The following INHBA variants were observed in gnomAD, a reference collection of about 807,000 sequenced individuals.
The protein encoded by INHBA is inhibin beta A chain.
INHBA carries 1 observed loss-of-function variant against 29.0 expected under a neutral mutation model. The observed-to-expected ratio is 0.03, with a 90% confidence interval of 0.01 to 0.16. The LOEUF (loss-of-function observed/expected upper bound fraction) is 0.16, where lower values mean the gene tolerates loss of function less well. Ranked by LOEUF, INHBA falls within the 10% of genes least tolerant of loss-of-function variation. INHBA has a pLI of 1.00. For missense variants in INHBA, 376 were observed against 545.4 expected (o/e 0.69, Z 3.09); for synonymous variants, 242 against 216.8 (o/e 1.12, Z -1.02).
intron 2 of INHBA, among the ~76,000 whole-genome samples, chr7:41,697,862 C>T (rs2128670796): frequency 6.6e-6 from 1 of 152,216 alleles, no homozygotes. Flanking sequence ...GTAGACAGTC[C>T]ATACAGCAAT....
chr7:41,689,491 G>C lies in INHBA; in HGVS notation c.*159C>G. The C allele has an allele frequency of 1.5e-6, 1 of 655,154 alleles. No homozygotes were observed. Among genetic ancestry groups the C allele is most frequent in the Non-Finnish European group, 2.3e-6 (1 of 427,914 alleles). 40.6% of individuals were successfully genotyped at this position (655,154 alleles called of 1,614,324 possible). A position where few individuals can be genotyped will look rare whatever the true frequency, so the allele number is the denominator to read the frequency against. ...CATCTTCCTTCATCTGTTTCATCAG[G>C]TTTTGTTTTTAATTTACTTTTGTTT... is the stretch of plus-strand genomic sequence containing the variant. On this transcript the variant is annotated 3_prime_UTR_variant, in exon 3 of 3. Coordinates refer to ENST00000242208, the MANE Select transcript of INHBA (RefSeq NM_002192.4).
chr7:41,686,387 T>C lies in INHBA; in HGVS notation c.*3263A>G, dbSNP rs1187551272. The stretch of plus-strand genomic sequence containing the variant: ...GAGAAAGAGTGAGGAGATAGTAAGG[T>C]TAGATAGAGCCACTGAGTTTCAAGA... On this transcript the variant is annotated 3_prime_UTR_variant, in exon 3 of 3. Coordinates refer to ENST00000242208, the MANE Select transcript of INHBA (RefSeq NM_002192.4). 6.6e-6 allele frequency: 1 copy of C among 152,124 alleles called. No homozygotes were observed. Among genetic ancestry groups the C allele is most frequent in the African/African-American group, 2.4e-5 (1 of 41,438 alleles). 9.4% of individuals were successfully genotyped at this position (152,124 alleles called of 1,614,324 possible). A position where few individuals can be genotyped will look rare whatever the true frequency, so the allele number is the denominator to read the frequency against.
In INHBA at chr7:41,689,513, G is replaced by GTT. The variant is rs151304258; in HGVS notation, c.*135_*136dup. On this transcript the variant is annotated 3_prime_UTR_variant, in exon 3 of 3. Transcript: ENST00000242208. ...CAGGTTTTGTTTTTAATTTACTTTTGTTTTTTTTTGTTTTTTTTTTTGTTT... is the reference window on the plus strand; with the variant it reads ...CAGGTTTTGTTTTTAATTTACTTTTGTTTTTTTTTTTGTTTTTTTTTTTGTTT... 1.2e-3 allele frequency: 853 copies of GTT among 712,532 alleles called. 4 individuals are homozygous for GTT. The highest frequency in any genetic ancestry group is 9.9e-3 in the African/African-American group (509 of 51,354). 44.1% of individuals were successfully genotyped at this position (712,532 alleles called of 1,614,324 possible).
intron 1 of INHBA, among the ~76,000 whole-genome samples, chr7:41,702,625 A>C (rs1382430238): frequency 2.6e-5 from 4 of 152,236 alleles, no homozygotes; most frequent in African/African-American, 9.6e-5. Flanking sequence ...AGTCTGAAAT[A>C]CAACCAAAAG....
intron 1 of INHBA, among the ~76,000 whole-genome samples, chr7:41,701,654 C>T (rs552117544): frequency 2.2e-4 from 34 of 152,266 alleles, no homozygotes; most frequent in African/African-American, 7.0e-4. Flanking sequence ...CACCACTCGC[C>T]GGACTTCACA....
chr7:41,702,004 CTGTCTTATTGCTTTTATCT>C (rs1280444204), intron 1 of INHBA, among the ~76,000 whole-genome samples: 1 of 151,896 alleles, frequency 6.6e-6, no homozygotes, highest in African/African-American at 2.4e-5. Flanking sequence ...TTTTCATTTT[CTGTCTTATTGCTTTTATCT>C]TGCAGAAGAA....
Position 41,687,860 on chromosome 7 carries a change from G to C in INHBA, c.*1790C>G, listed in dbSNP as rs1460844604. 7.2e-5 allele frequency: 11 copies of C among 152,144 alleles called. No homozygotes were observed. The highest frequency in any genetic ancestry group is 1.6e-4 in the Non-Finnish European group (11 of 68,018). 9.4% of individuals were successfully genotyped at this position (152,144 alleles called of 1,614,324 possible). A position where few individuals can be genotyped will look rare whatever the true frequency, so the allele number is the denominator to read the frequency against. On this transcript the variant is annotated 3_prime_UTR_variant, in exon 3 of 3. Coordinates refer to ENST00000242208, the MANE Select transcript of INHBA (RefSeq NM_002192.4). ...TTTTCTGAAAAAGCTTCTGATTTAA[G>C]ATTGATTCCAATAGACACTAAGTTG...
chr7:41,704,749 T>C (rs1794876284), upstream of INHBA, among the ~76,000 whole-genome samples: 1 of 151,914 alleles, frequency 6.6e-6, no homozygotes, highest in Non-Finnish European at 1.5e-5. Flanking sequence ...CAGGCCTCAG[T>C]GTTCCCATCT....
chr7:41,690,417 T>C lies in INHBA; in HGVS notation c.514A>G (p.Thr172Ala). The C allele has an allele frequency of 6.2e-7, 1 of 1,614,070 alleles. No homozygotes were observed. The highest frequency in any genetic ancestry group is 8.5e-7 in the Non-Finnish European group (1 of 1,180,008). Reference sequence around the variant, plus strand: ...TTCTGCTGCTGGAAGAGGCGGATGGTGACTTTGGTCCTGGTCCTGTTGGCC... The same window carrying C: ...TTCTGCTGCTGGAAGAGGCGGATGGCGACTTTGGTCCTGGTCCTGTTGGCC... ...PKANRTRTKV[T>A]IRLFQQQKHP... is the part of the protein sequence containing the mutation. Residue 172 changes from threonine to alanine, a missense_variant, in exon 3 of 3, where the codon ACC becomes GCC. Thr to Ala is a moderately conservative substitution (Grantham distance 58). Transcript: ENST00000242208.
chr7:41,689,461 T>A lies in INHBA; in HGVS notation c.*189A>T. 1.8e-6 allele frequency: 1 copy of A among 551,718 alleles called. No homozygotes were observed. The highest frequency in any genetic ancestry group is 3.0e-6 in the Non-Finnish European group (1 of 334,026). 34.2% of individuals were successfully genotyped at this position (551,718 alleles called of 1,614,324 possible). A position where few individuals can be genotyped will look rare whatever the true frequency, so the allele number is the denominator to read the frequency against. ...TCTCTGAGCCCTGGCTAAGGATTTT[T>A]TCCACATCTTCCTTCATCTGTTTCA... On this transcript the variant is annotated 3_prime_UTR_variant, in exon 3 of 3. Transcript: ENST00000242208.
chr7:41,701,921 C>T (rs1794806253), intron 1 of INHBA, among the ~76,000 whole-genome samples: 1 of 152,068 alleles, frequency 6.6e-6, no homozygotes, highest in Non-Finnish European at 1.5e-5. Context: ...TTAGTGTGCA[C>T]AGAAAAAGAA....
chr7:41,691,861 A>G (rs1015310042), intron 2 of INHBA: 1 of 152,214 alleles, frequency 6.6e-6, no homozygotes, highest in Non-Finnish European at 1.5e-5. Context: ...TTAAATTAAG[A>G]GAGCCACCTA....
At position 41,690,213 on chromosome 7, in the gene INHBA, C is replaced by A. The variant is rs1229001644; in HGVS notation, c.718G>T (p.Val240Phe). ...LLDQGKSSLD[V>F]RIACEQCQES... ...TGGCACTGCTCACAGGCAATCCGAA[C>A]GTCCAGGGAGCTCTTGCCCTGGTCC... Residue 240 changes from valine (V) to phenylalanine (F), a missense_variant, in exon 3 of 3, where the codon GTT becomes TTT. Val to Phe is a conservative substitution (Grantham distance 50, BLOSUM62 -1). Around this residue, in one of 4 missense-constraint regions of INHBA, gnomAD observed 253 missense variants for 313.4 expected, o/e 0.81. Coordinates refer to ENST00000242208, the MANE Select transcript of INHBA (RefSeq NM_002192.4). 6 of 1,613,924 alleles carry A rather than the reference C, an allele frequency of 3.7e-6. No homozygotes were observed. The highest frequency in any genetic ancestry group is 5.1e-6 in the Non-Finnish European group (6 of 1,180,036).
chr7:41,696,676 T>A (rs574351188), intron 2 of INHBA, among the ~76,000 whole-genome samples: 2 of 152,092 alleles, frequency 1.3e-5, no homozygotes, highest in Non-Finnish European at 2.9e-5. Flanking sequence ...CCTAAAGGCA[T>A]CCCTAAAGGA....
At chr7:41,693,759 G>A (rs745375592) in intron 2 of INHBA, among the ~76,000 whole-genome samples, 34 of 152,150 alleles carry the variant, frequency 2.2e-4, no homozygotes, top group Non-Finnish European at 3.2e-4. Context: ...CATCGCCTGC[G>A]TATTGTAGAG....
intron 2 of INHBA, among the ~76,000 whole-genome samples, chr7:41,698,298 A>G (rs1268871428): frequency 6.6e-6 from 1 of 152,204 alleles, no homozygotes; most frequent in Admixed American, 6.5e-5. Context: ...AAAGTGGTCA[A>G]AGGCATAGGT....
chr7:41,703,647 T>A (rs1027026982), upstream of INHBA, among the ~76,000 whole-genome samples: 2 of 152,112 alleles, frequency 1.3e-5, no homozygotes, highest in Admixed American at 6.5e-5. Context: ...CACTATTATT[T>A]TACATCTTGA....
chr7:41,690,275 T>C lies in INHBA; in HGVS notation c.656A>G (p.His219Arg). ...KVVDARKSTW[H>R]VFPVSSSIQR... Reference sequence around the variant, plus strand: ...GATGCTGCTGGAGACAGGGAAGACATGCCAGGTGCTCTTCCGAGCGTCTAC... The same window carrying C: ...GATGCTGCTGGAGACAGGGAAGACACGCCAGGTGCTCTTCCGAGCGTCTAC... Residue 219 changes from histidine (H) to arginine (R), a missense_variant, in exon 3 of 3, where the codon CAT (histidine) becomes CGT (arginine). Transcript: ENST00000242208. 6.2e-7 allele frequency: 1 copy of C among 1,614,038 alleles called. No individual in the cohort carries two copies. The highest frequency in any genetic ancestry group is 8.5e-7 in the Non-Finnish European group (1 of 1,179,990).
chr7:41,699,358 C>T (rs913465002), intron 2 of INHBA, among the ~76,000 whole-genome samples: 5 of 152,134 alleles, frequency 3.3e-5, no homozygotes, highest in Non-Finnish European at 7.4e-5. Context: ...GACAACTGTC[C>T]CCCAAAGTAG....
Sources: gnomAD v4.1 joint callset for allele counts (sites outside exome capture counted in the v4.1 genomes callset) on GRCh38, gnomAD v4.1.1 for gene constraint, gnomAD v4.1.1 regional missense constraint, MANE v1.5 for transcripts, NCBI Gene and HGNC (gene_info 2026-07-23, HGNC 2026-07-21) for gene names.